Variants in MYO5B observed in about 807,000 individuals in gnomAD.
The protein encoded by MYO5B is myosin VB.
MYO5B carries 143 observed loss-of-function variants against 229.3 expected under a neutral mutation model. The ratio of observed to expected loss-of-function variants is 0.62; its 90% confidence interval spans 0.54 to 0.72. The LOEUF (loss-of-function observed/expected upper bound fraction) is 0.72. MYO5B is among the 30% of genes least tolerant of loss of function. The probability of loss-of-function intolerance (pLI) is 0.00; values close to 1 mark genes in which losing one functional copy is unlikely to be tolerated. For missense variants in MYO5B, 2,321 were observed against 2,331.0 expected (o/e 1.00, Z 0.09); for synonymous variants, 918 against 885.2 (o/e 1.04, Z -0.66).
intron 14 of MYO5B, 66 bp from the exon 15 acceptor site, chr18:49,937,463 A>T: frequency 6.4e-7 from 1 of 1,572,278 alleles, no homozygotes; most frequent in Non-Finnish European, 8.7e-7. Flanking sequence ...TTCCTCTCAA[A>T]GCTGCTTTTC....
intron 1 of MYO5B, among the ~76,000 whole-genome samples, chr18:50,147,722 A>G (rs981583030): frequency 6.6e-6 from 1 of 151,986 alleles, no homozygotes; most frequent in East Asian, 1.9e-4. Flanking sequence ...CCTCACCGAA[A>G]CTCTTTTGTA....
In MYO5B at chr18:49,849,562, C is replaced by A. The variant is rs488890; in HGVS notation, c.4315+5G>T. The A allele has an allele frequency of 3.7e-6, 6 of 1,603,348 alleles. No individual in the cohort carries two copies. Among genetic ancestry groups the A allele is most frequent in the African/African-American group, 1.3e-5 (1 of 74,636 alleles). On this transcript the variant is annotated splice_donor_5th_base_variant and intron_variant, in intron 32 of 39. Coordinates refer to ENST00000285039, the MANE Select transcript of MYO5B (RefSeq NM_001080467.3). ...CACAAAACACACTCACTCACACCCCCCTACCTTCTAGGTCCTGGGCTTTCT... is the reference window on the plus strand; with the variant it reads ...CACAAAACACACTCACTCACACCCCACTACCTTCTAGGTCCTGGGCTTTCT...
intron 1 of MYO5B, among the ~76,000 whole-genome samples, chr18:50,066,508 T>G (rs1211111200): frequency 6.6e-6 from 1 of 152,218 alleles, no homozygotes; most frequent in African/African-American, 2.4e-5. Flanking sequence ...TGGAGCTAAT[T>G]TGTTGTTTCA....
At chr18:49,900,935 G>A (rs1311025266) in intron 21 of MYO5B, among the ~76,000 whole-genome samples, 2 of 152,216 alleles carry the variant, frequency 1.3e-5, no homozygotes, top group Admixed American at 1.3e-4. Flanking sequence ...ATGGCTGTGG[G>A]ATCAGAGCTC....
chr18:49,991,082 G>A (rs2025927276), intron 6 of MYO5B, among the ~76,000 whole-genome samples: 1 of 152,180 alleles, frequency 6.6e-6, no homozygotes, highest in Non-Finnish European at 1.5e-5. Flanking sequence ...AGCTAAGGAA[G>A]AGGGAAGCTC....
At chr18:49,977,494 C>T (rs533416909) in intron 9 of MYO5B, among the ~76,000 whole-genome samples, 130 of 152,124 alleles carry the variant, frequency 8.5e-4, no homozygotes, top group Non-Finnish European at 1.3e-3. Flanking sequence ...GTGGGGCTCT[C>T]GGTAGCAACT....
At chr18:49,888,232 T>C (rs563213936) in intron 22 of MYO5B, among the ~76,000 whole-genome samples, 1 of 152,248 alleles carries the variant, frequency 6.6e-6, no homozygotes, top group Non-Finnish European at 1.5e-5. Flanking sequence ...ATCCCTGGCT[T>C]CTACCCACTA....
At chr18:49,907,359 CTA>C (rs2024910936) in intron 18 of MYO5B, among the ~76,000 whole-genome samples, 1 of 152,182 alleles carries the variant, frequency 6.6e-6, no homozygotes, top group African/African-American at 2.4e-5. Context: ...CCAAATAAAA[CTA>C]TGAGATTGTT....
chr18:49,960,888 G>A (rs2025550991), intron 12 of MYO5B, among the ~76,000 whole-genome samples: 1 of 152,196 alleles, frequency 6.6e-6, no homozygotes, highest in Admixed American at 6.5e-5. Context: ...CACCACTTGG[G>A]AGGAGAGTGA....
In MYO5B at chr18:49,954,303, G is replaced by T; in HGVS notation, c.1668+10C>A. ...AAGGGAATACCCGAGCCAACAGAGA[G>T]GAGAGCCACCTTGTCTGCAAAGTGG... On this transcript the variant is annotated intron_variant, in intron 13 of 39. Coordinates refer to ENST00000285039, the MANE Select transcript of MYO5B (RefSeq NM_001080467.3). 3 of 1,613,850 alleles carry T rather than the reference G, an allele frequency of 1.9e-6. No homozygotes were observed. Among genetic ancestry groups the T allele is most frequent in the Non-Finnish European group, 2.5e-6 (3 of 1,179,850 alleles).
chr18:50,070,018 CTTTTTTTTTT>C (rs765610800), intron 1 of MYO5B, among the ~76,000 whole-genome samples: 22 of 110,070 alleles, frequency 2.0e-4, no homozygotes, highest in Non-Finnish European at 3.4e-4. Context: ...GCAATTTAGT[CTTTTTTTTTT>C]TTTTTTTTTT....
intron 9 of MYO5B, among the ~76,000 whole-genome samples, chr18:49,979,995 T>C (rs578034308): frequency 4.6e-5 from 7 of 152,352 alleles, no homozygotes; most frequent in African/African-American, 1.7e-4. Flanking sequence ...CTTAACAGCC[T>C]GCCTTGTGCT....
Position 50,103,509 on chromosome 18 carries a change from G to A in MYO5B, c.28-48131C>T, listed in dbSNP as rs150592354. Among the ~76,000 whole-genome samples, 1,092 of 152,262 alleles carry A rather than the reference G, an allele frequency of 7.2e-3. 8 individuals carry two copies. The highest frequency in any genetic ancestry group is 0.025 in the African/African-American group (1,035 of 41,534). Reference sequence around the variant, plus strand: ...TCATGCCTGTAATATCAGCACTTTGGGAGGCCAAGGTGGAAGGATCACTCG... The same window carrying A: ...TCATGCCTGTAATATCAGCACTTTGAGAGGCCAAGGTGGAAGGATCACTCG... On this transcript the variant is annotated intron_variant, in intron 1 of 39. Coordinates refer to ENST00000285039, the MANE Select transcript of MYO5B (RefSeq NM_001080467.3).
At chr18:49,913,614 G>C (rs1346401572) in intron 17 of MYO5B, among the ~76,000 whole-genome samples, 1 of 152,108 alleles carries the variant, frequency 6.6e-6, no homozygotes, top group African/African-American at 2.4e-5. Flanking sequence ...ACCTGATATG[G>C]ACAGGAGACA....
At chr18:49,960,417 A>C (rs1456566760) in intron 12 of MYO5B, among the ~76,000 whole-genome samples, 1 of 152,186 alleles carries the variant, frequency 6.6e-6, no homozygotes, top group Non-Finnish European at 1.5e-5. Flanking sequence ...GGGATTCCCT[A>C]ACCTCCTCAG....
At chr18:49,971,506 GA>G (rs1158751887) in intron 10 of MYO5B, among the ~76,000 whole-genome samples, 1 of 152,164 alleles carries the variant, frequency 6.6e-6, no homozygotes, top group African/African-American at 2.4e-5. Flanking sequence ...TCACTGACCT[GA>G]TAGATTAGAA....
intron 5 of MYO5B, among the ~76,000 whole-genome samples, chr18:49,995,500 C>G (rs560198545): frequency 1.3e-5 from 2 of 152,014 alleles, no homozygotes; most frequent in East Asian, 3.9e-4. Context: ...ACCTCGTGAC[C>G]CACCCATCTC....
At chr18:50,055,233 T>TCACCCC in intron 2 of MYO5B, 35 bp downstream of exon 2, 1 of 279,048 alleles carries the variant, frequency 3.6e-6, no homozygotes, top group Non-Finnish European at 7.2e-6. Flanking sequence ...CTGCCCCACC[T>TCACCCC]CACCCCCGCC....
In MYO5B at chr18:49,841,307, T is replaced by C; in HGVS notation, c.4701+58A>G. On this transcript the variant is annotated intron_variant, in intron 35 of 39. Transcript: ENST00000285039. ...GACCTCTGAGGGTATACAAAGCACT[T>C]CTCAACCACATTTGGATGAAGCAGG... 3.2e-6 allele frequency: 5 copies of C among 1,542,552 alleles called. 1 individual carries two copies. The South Asian group carries it at 5.6e-5, about 17-fold the overall frequency.
Sources: gnomAD v4.1 joint callset for allele counts (sites outside exome capture counted in the v4.1 genomes callset) on GRCh38, gnomAD v4.1.1 for gene constraint, MANE v1.5 for transcripts, NCBI Gene and HGNC (gene_info 2026-07-23, HGNC 2026-07-21) for gene names.